The following RNGTT variants were observed in gnomAD, a reference collection of about 807,000 sequenced individuals.
The protein encoded by RNGTT is RNA guanylyltransferase and 5'-phosphatase.
Under a neutral mutation model 79.3 loss-of-function variants are expected in RNGTT, and 33 were observed. That is an observed-to-expected ratio of 0.42 (90% CI 0.32 to 0.56). The LOEUF is 0.56. Among genes scored for constraint, RNGTT ranks in the 20% least tolerant of loss-of-function variants. The pLI, the probability that RNGTT is intolerant of heterozygous loss-of-function variation, is 0.17. For missense variants in RNGTT, 497 were observed against 739.1 expected (o/e 0.67, Z 3.80); for synonymous variants, 222 against 235.9 (o/e 0.94, Z 0.54).
intron 13 of RNGTT, among the ~76,000 whole-genome samples, chr6:88,719,062 G>C (rs1382849613): frequency 6.6e-6 from 1 of 152,120 alleles, no homozygotes; most frequent in Non-Finnish European, 1.5e-5. Flanking sequence ...AAGAAAATGG[G>C]CATTAAGAAA....
At chr6:88,670,750 T>C (rs1261403350) in intron 14 of RNGTT, among the ~76,000 whole-genome samples, 1 of 152,034 alleles carries the variant, frequency 6.6e-6, no homozygotes, top group Admixed American at 6.5e-5. Context: ...CTCTCAGTCA[T>C]GTAGCCCCCA....
chr6:88,669,668 A>G (rs1448906549), intron 14 of RNGTT, among the ~76,000 whole-genome samples: 1 of 152,192 alleles, frequency 6.6e-6, no homozygotes, highest in Non-Finnish European at 1.5e-5. Context: ...CAGCTAGACT[A>G]TACTGGATAT....
At chr6:88,818,739 GC>G (rs1197384580) in intron 11 of RNGTT, among the ~76,000 whole-genome samples, 1 of 152,158 alleles carries the variant, frequency 6.6e-6, no homozygotes, top group African/African-American at 2.4e-5. Context: ...TGCTGCAAAA[GC>G]CATAATCAAC....
chr6:88,728,453 C>A (rs970210515), intron 13 of RNGTT, among the ~76,000 whole-genome samples: 2 of 152,170 alleles, frequency 1.3e-5, no homozygotes, highest in African/African-American at 4.8e-5. Flanking sequence ...GTAGCTGGTC[C>A]AAAGTTCTGT....
intron 13 of RNGTT, among the ~76,000 whole-genome samples, chr6:88,731,144 C>T: frequency 6.6e-6 from 1 of 151,158 alleles, no homozygotes; most frequent in South Asian, 2.1e-4. Context: ...TTAGAGAACC[C>T]AAAAACAACA....
In RNGTT at chr6:88,815,033, G is replaced by A. The variant is rs78682550; in HGVS notation, c.1270-13401C>T. On this transcript the variant is annotated intron_variant, in intron 11 of 15. Coordinates refer to ENST00000369485, the MANE Select transcript of RNGTT (RefSeq NM_003800.5). ...ATCCTCCTTGATAAGAGTACCTGGA[G>A]TCACTGGAGAGTCTAACAATGTGAC... Among the ~76,000 whole-genome samples, 1,376 of 152,322 alleles carry A rather than the reference G, an allele frequency of 9.0e-3. 20 individuals carry two copies. The highest frequency in any genetic ancestry group is 0.031 in the African/African-American group (1,293 of 41,576).
At chr6:88,835,976 ACACAC>A (rs1329788313) in intron 11 of RNGTT, among the ~76,000 whole-genome samples, 1 of 22,438 alleles carries the variant, frequency 4.5e-5, no homozygotes, top group African/African-American at 4.7e-4. Context: ...TCTATTAAAA[ACACAC>A]ACACACACAC....
At chr6:88,703,447 A>G (rs9344841) in intron 13 of RNGTT, among the ~76,000 whole-genome samples, 17,977 of 152,222 alleles carry the variant, frequency 0.12, 1,181 homozygotes, top group Middle Eastern at 0.23. Flanking sequence ...TTAACGCAGG[A>G]ACAGAAAACG....
At chr6:88,656,428 G>A (rs1280561147) in intron 14 of RNGTT, among the ~76,000 whole-genome samples, 1 of 151,756 alleles carries the variant, frequency 6.6e-6, no homozygotes, top group Non-Finnish European at 1.5e-5. Context: ...GGATAATCAA[G>A]CATGTTTAAA....
chr6:88,772,014 C>CA (rs1562244792), intron 12 of RNGTT, among the ~76,000 whole-genome samples: 3 of 151,956 alleles, frequency 2.0e-5, no homozygotes, highest in Non-Finnish European at 2.9e-5. Context: ...CTTATCTCTA[C>CA]AAAAAAATTT....
intron 9 of RNGTT, among the ~76,000 whole-genome samples, chr6:88,852,632 T>G (rs1000685108): frequency 1.3e-5 from 2 of 152,136 alleles, no homozygotes; most frequent in African/African-American, 2.4e-5. Context: ...GAATGAAAAT[T>G]TACTAGATAC....
chr6:88,624,159 T>C (rs1002932855), intron 14 of RNGTT, among the ~76,000 whole-genome samples: 10 of 151,948 alleles, frequency 6.6e-5, no homozygotes, highest in Non-Finnish European at 7.4e-5. Flanking sequence ...ATTGTAAAGA[T>C]GTCAATTCTT....
intron 12 of RNGTT, among the ~76,000 whole-genome samples, chr6:88,799,350 G>A (rs946443341): frequency 1.2e-4 from 19 of 152,050 alleles, no homozygotes; most frequent in Non-Finnish European, 1.2e-4. Flanking sequence ...TAATGCTGGC[G>A]AACAGGGAGA....
chr6:88,851,059 A>G (rs146755287), intron 9 of RNGTT, among the ~76,000 whole-genome samples: 2 of 152,108 alleles, frequency 1.3e-5, no homozygotes, highest in African/African-American at 4.8e-5. Flanking sequence ...ATAGGTGATG[A>G]AATGTTCTGG....
chr6:88,745,650 T>A (rs1777637004), intron 13 of RNGTT, among the ~76,000 whole-genome samples: 1 of 152,264 alleles, frequency 6.6e-6, no homozygotes, highest in Non-Finnish European at 1.5e-5. Flanking sequence ...CCGGTCTAAA[T>A]ACATTAGAAG....
chr6:88,949,175 A>AAG (rs1554167155), intron 1 of RNGTT, among the ~76,000 whole-genome samples: 21 of 140,950 alleles, frequency 1.5e-4, no homozygotes, highest in African/African-American at 5.7e-4. Flanking sequence ...AAAAAAAAAA[A>AAG]AAAGAAAATG....
chr6:88,782,054 C>A (rs1257775483), intron 12 of RNGTT, among the ~76,000 whole-genome samples: 2 of 152,006 alleles, frequency 1.3e-5, no homozygotes, highest in Non-Finnish European at 2.9e-5. Context: ...TGCCCACTTA[C>A]CTAGCCTTAT....
At chr6:88,780,197 T>C (rs1213942783) in intron 12 of RNGTT, among the ~76,000 whole-genome samples, 1 of 152,118 alleles carries the variant, frequency 6.6e-6, no homozygotes, top group East Asian at 1.9e-4. Context: ...AATACTTTAA[T>C]AAAATAATTA....
At chr6:88,961,639 G>C (rs1785628433) in intron 1 of RNGTT, among the ~76,000 whole-genome samples, 1 of 152,126 alleles carries the variant, frequency 6.6e-6, no homozygotes, top group African/African-American at 2.4e-5. Flanking sequence ...TTTGTGAAGT[G>C]TCCAAATTTT....
Sources: gnomAD v4.1 joint callset for allele counts (sites outside exome capture counted in the v4.1 genomes callset) on GRCh38, gnomAD v4.1.1 for gene constraint, MANE v1.5 for transcripts, NCBI Gene and HGNC (gene_info 2026-07-23, HGNC 2026-07-21) for gene names.